The following PCDH15 variants were observed in gnomAD, a reference collection of about 807,000 sequenced individuals.
PCDH15 encodes the protein protocadherin-15.
Under a neutral mutation model 178.5 loss-of-function variants are expected in PCDH15, and 129 were observed. The observed-to-expected ratio is 0.72, with a 90% CI of 0.63 to 0.84. The LOEUF is 0.84. Ranked by LOEUF, PCDH15 falls within the 40% of genes least tolerant of loss-of-function variation. The pLI is 0.00. For synonymous variants in PCDH15, 800 were observed against 732.0 expected (o/e 1.09, Z -1.50); for missense variants, 2,230 against 2,099.9 (o/e 1.06, Z -1.21).
chr10:54,358,617 T>C (rs1456530087), intron 5 of PCDH15, among the ~76,000 whole-genome samples: 1 of 151,790 alleles, frequency 6.6e-6, no homozygotes, highest in East Asian at 1.9e-4. Context: ...TCCTCAGGGA[T>C]CTAGAACTAG....
chr10:54,242,145 T>A (rs868491303), intron 8 of PCDH15, among the ~76,000 whole-genome samples: 2 of 53,548 alleles, frequency 3.7e-5, no homozygotes, highest in Non-Finnish European at 6.3e-5. Context: ...TATATATATA[T>A]ATATATATAT....
intron 15 of PCDH15, among the ~76,000 whole-genome samples, chr10:54,109,630 G>A (rs1187185967): frequency 2.0e-5 from 3 of 152,138 alleles, no homozygotes; most frequent in Admixed American, 6.5e-5. Context: ...CATGTGAGCT[G>A]AAAAATAAAA....
intron 13 of PCDH15, among the ~76,000 whole-genome samples, chr10:54,161,032 A>G (rs991151453): frequency 6.6e-6 from 1 of 152,202 alleles, no homozygotes; most frequent in African/African-American, 2.4e-5. Context: ...TATAACAAAC[A>G]GAAAAATAAA....
At chr10:53,961,679 G>C in intron 22 of PCDH15, 73 bp downstream of exon 22, 8 of 1,139,528 alleles carry the variant, frequency 7.0e-6, no homozygotes, top group Non-Finnish European at 9.5e-6. Context: ...AAAATGTGCT[G>C]TCATCTGTTA....
At position 54,600,317 on chromosome 10, in the gene PCDH15, C is replaced by T. The variant is rs1001316739; in HGVS notation, c.91+63855G>A. ...GGGAGTGATAAAGATTCCAAGGAAT[C>T]CAGGAAGAAAGACATAGCTGTCAAT... On this transcript the variant is annotated intron_variant, in intron 2 of 37. Transcript: ENST00000644397. 1.7e-5 allele frequency: 9 copies of T among 540,698 alleles called. No homozygotes were observed. The African/African-American group carries it at 1.7e-4, about 10-fold the overall frequency. The allele number at this position is 540,698 out of a possible 1,614,324, so 33.5% of individuals were successfully genotyped here.
At chr10:54,533,374 G>A (rs895784090) in intron 2 of PCDH15, among the ~76,000 whole-genome samples, 2 of 152,030 alleles carry the variant, frequency 1.3e-5, no homozygotes, top group African/African-American at 4.8e-5. Context: ...AGATGTGAAA[G>A]GCTACCAATA....
chr10:54,109,532 T>G (rs967437234), intron 15 of PCDH15, among the ~76,000 whole-genome samples: 2 of 152,204 alleles, frequency 1.3e-5, no homozygotes, highest in Admixed American at 1.3e-4. Flanking sequence ...ACATGATTGA[T>G]CTGGACATCA....
chr10:54,667,786 A>T (rs966670108), intron 1 of PCDH15, among the ~76,000 whole-genome samples: 1 of 152,140 alleles, frequency 6.6e-6, no homozygotes, highest in Non-Finnish European at 1.5e-5. Flanking sequence ...GGTGACCTAT[A>T]AATAAATATG....
intron 1 of PCDH15, among the ~76,000 whole-genome samples, chr10:54,706,428 T>C (rs1413369411): frequency 6.6e-6 from 1 of 152,144 alleles, no homozygotes; most frequent in African/African-American, 2.4e-5. Flanking sequence ...TTAAATTGCA[T>C]TGAAAACTTG....
intron 2 of PCDH15, among the ~76,000 whole-genome samples, chr10:55,434,566 T>C (rs1427827198): frequency 6.6e-6 from 1 of 152,070 alleles, no homozygotes; most frequent in Non-Finnish European, 1.5e-5. Flanking sequence ...CATTAACATG[T>C]TTCAAAAGCA....
At chr10:55,078,222 A>AT (rs565445627) in intron 2 of PCDH15, among the ~76,000 whole-genome samples, 1 of 151,934 alleles carries the variant, frequency 6.6e-6, no homozygotes, top group Non-Finnish European at 1.5e-5. Context: ...TGACTAGATG[A>AT]TTTTCTCTTG....
intron 25 of PCDH15, among the ~76,000 whole-genome samples, chr10:53,937,451 T>C (rs2085676296): frequency 6.6e-6 from 1 of 152,340 alleles, no homozygotes; most frequent in East Asian, 1.9e-4. Context: ...ATTGGAAGCA[T>C]CCTCTATATT....
intron 2 of PCDH15, among the ~76,000 whole-genome samples, chr10:55,110,747 C>A (rs1377233152): frequency 6.6e-6 from 1 of 151,826 alleles, no homozygotes. Context: ...GATCTGATGG[C>A]ATTCATTTGG....
chr10:53,860,686 A>G (rs2079046376), intron 27 of PCDH15, among the ~76,000 whole-genome samples: 1 of 144,374 alleles, frequency 6.9e-6, no homozygotes, highest in Non-Finnish European at 1.5e-5. Flanking sequence ...AGTCAATATC[A>G]CGCCACTGCA....
chr10:53,979,869 C>A (rs563497002), intron 21 of PCDH15, among the ~76,000 whole-genome samples: 2 of 152,108 alleles, frequency 1.3e-5, no homozygotes, highest in Non-Finnish European at 2.9e-5. Context: ...GTTCATAGAG[C>A]GTATAGTAAT....
intron 2 of PCDH15, among the ~76,000 whole-genome samples, chr10:54,596,002 C>G (rs563524075): frequency 6.6e-6 from 1 of 151,828 alleles, no homozygotes; most frequent in South Asian, 2.1e-4. Context: ...TTGGTGTCCC[C>G]GAAAGAGATG....
At chr10:54,753,403 C>T (rs1480463114) in intron 1 of PCDH15, among the ~76,000 whole-genome samples, 2 of 152,010 alleles carry the variant, frequency 1.3e-5, no homozygotes, top group Admixed American at 6.5e-5. Flanking sequence ...AGGCTGGTCT[C>T]GAACTCCTGA....
chr10:54,469,963 T>C (rs2077784800), intron 3 of PCDH15, among the ~76,000 whole-genome samples: 1 of 152,148 alleles, frequency 6.6e-6, no homozygotes, highest in African/African-American at 2.4e-5. Flanking sequence ...AGTGCTCAGC[T>C]GCTAATAGTG....
intron 2 of PCDH15, among the ~76,000 whole-genome samples, chr10:55,502,386 C>T (rs1255060035): frequency 6.6e-6 from 1 of 151,556 alleles, no homozygotes; most frequent in Non-Finnish European, 1.5e-5. Context: ...ATCATATTTT[C>T]TTGAAAAAAG....
Sources: gnomAD v4.1 joint callset for allele counts (sites outside exome capture counted in the v4.1 genomes callset) on GRCh38, gnomAD v4.1.1 for gene constraint, MANE v1.5 for transcripts, NCBI Gene and HGNC (gene_info 2026-07-23, HGNC 2026-07-21) for gene names.